DDX10: variants seen among roughly 807,000 people sequenced by gnomAD.
DDX10 encodes the protein probable ATP-dependent RNA helicase DDX10.
Under a neutral mutation model 104.3 loss-of-function variants are expected in DDX10, and 74 were observed. That is an observed-to-expected ratio of 0.71 (90% CI 0.59 to 0.86). The LOEUF is 0.86. Among genes scored for constraint, DDX10 ranks in the 40% least tolerant of loss-of-function variants. The pLI is 0.00. For missense variants in DDX10, 952 were observed against 1,040.0 expected (o/e 0.92, Z 1.16); for synonymous variants, 351 against 353.4 (o/e 0.99, Z 0.08).
At chr11:108,864,667 C>A (rs1296665831) in intron 16 of DDX10, among the ~76,000 whole-genome samples, 2 of 151,958 alleles carry the variant, frequency 1.3e-5, no homozygotes, top group African/African-American at 4.8e-5. Flanking sequence ...CCTGTGTTGC[C>A]CAGGCTGGTC....
At chr11:108,735,507 G>A (rs1414804402) in intron 13 of DDX10, among the ~76,000 whole-genome samples, 2 of 152,068 alleles carry the variant, frequency 1.3e-5, no homozygotes, top group Admixed American at 1.3e-4. Context: ...ACCATGGAGG[G>A]TGTATAAGGC....
At chr11:108,857,871 T>G (rs1862891789) in intron 16 of DDX10, among the ~76,000 whole-genome samples, 2 of 152,198 alleles carry the variant, frequency 1.3e-5, no homozygotes, top group South Asian at 4.1e-4. Context: ...AGTAAATATT[T>G]CTTCTCCTGA....
intron 6 of DDX10, among the ~76,000 whole-genome samples, chr11:108,688,016 G>C (rs1015056367): frequency 1.3e-5 from 2 of 152,124 alleles, no homozygotes; most frequent in African/African-American, 2.4e-5. Context: ...GTGTGTCCTA[G>C]ACATCACTCC....
At position 108,723,110 on chromosome 11, in the gene DDX10, C is replaced by T. The variant is rs1466538781; in HGVS notation, c.1613C>T (p.Pro538Leu). The T allele has an allele frequency of 8.1e-5, 130 of 1,613,706 alleles. 1 individual carries two copies. The highest frequency in any genetic ancestry group is 1.0e-4 in the Non-Finnish European group (121 of 1,179,890). The change falls in exon 13 of 18, where the codon CCC becomes CTC. Residue 538 changes from proline (P) to leucine (L), a missense_variant. By Grantham distance (98) the Pro-to-Leu change is moderately conservative (BLOSUM62 -3). This residue lies in a region of DDX10 where 533 missense variants were observed against 534.1 expected (regional missense o/e 1.00). Transcript: ENST00000322536. ...GATAAAGTAATTGAGCCAAGGGCTC[C>T]CTCCCTCACCAATGACGAAGTGGAA... ...QADKVIEPRAPSLTNDEVEEF... is the reference protein window; with the variant it reads ...QADKVIEPRALSLTNDEVEEF...
chr11:108,670,994 C>T (rs2094216273), intron 1 of DDX10, among the ~76,000 whole-genome samples: 1 of 152,064 alleles, frequency 6.6e-6, no homozygotes, highest in Admixed American at 6.6e-5. Context: ...ACCCTTTTCT[C>T]CTCCGCTTTT....
chr11:108,938,745 G>C (rs1864066944), intron 17 of DDX10, among the ~76,000 whole-genome samples: 2 of 152,120 alleles, frequency 1.3e-5, no homozygotes, highest in Non-Finnish European at 2.9e-5. Context: ...TCCTCCAGTG[G>C]TGAAAGAGAA....
chr11:108,888,747 TTG>T (rs1863335515), intron 16 of DDX10, among the ~76,000 whole-genome samples: 1 of 151,966 alleles, frequency 6.6e-6, no homozygotes, highest in Non-Finnish European at 1.5e-5. Flanking sequence ...GATATACATA[TTG>T]ATGTGTCTGA....
intron 17 of DDX10, among the ~76,000 whole-genome samples, chr11:108,930,645 C>A (rs1021968075): frequency 2.6e-5 from 4 of 152,180 alleles, no homozygotes; most frequent in Non-Finnish European, 5.9e-5. Flanking sequence ...GCTCCACAGC[C>A]CCACCAGCAT....
chr11:108,806,185 A>T lies in DDX10; in HGVS notation c.1966-32261A>T, dbSNP rs368688576. The stretch of plus-strand genomic sequence containing the variant: ...TCCATGTTGGCTAGGCTGGTCTCGA[A>T]CTCCTGGCCTCAGGTGATCCCTCCG... On this transcript the variant is annotated intron_variant, in intron 13 of 17. Coordinates refer to ENST00000322536, the MANE Select transcript of DDX10 (RefSeq NM_004398.4). 7.2e-5 allele frequency among the ~76,000 whole-genome samples: 11 copies of T among 152,086 alleles called. No homozygotes were observed. In the South Asian group the frequency reaches 2.3e-3, roughly 32 times the overall value.
At chr11:108,772,950 G>T (rs575677102) in intron 13 of DDX10, among the ~76,000 whole-genome samples, 3 of 152,280 alleles carry the variant, frequency 2.0e-5, no homozygotes, top group Admixed American at 2.0e-4. Flanking sequence ...TATCATAACT[G>T]AAAATGTCAG....
intron 15 of DDX10, among the ~76,000 whole-genome samples, chr11:108,842,319 C>T (rs1035487607): frequency 6.6e-6 from 1 of 152,090 alleles, no homozygotes; most frequent in African/African-American, 2.4e-5. Flanking sequence ...ACAGTGATTT[C>T]AGGGTGACAC....
At chr11:108,680,009 A>G (rs892701617) in intron 6 of DDX10, among the ~76,000 whole-genome samples, 3 of 152,188 alleles carry the variant, frequency 2.0e-5, no homozygotes, top group African/African-American at 7.2e-5. Flanking sequence ...TGGGTACGGA[A>G]TCATCCTTTT....
chr11:108,795,152 T>A (rs1215676540), intron 13 of DDX10, among the ~76,000 whole-genome samples: 1 of 151,998 alleles, frequency 6.6e-6, no homozygotes, highest in African/African-American at 2.4e-5. Context: ...TTTTATAATG[T>A]CTTTTTCTGG....
intron 13 of DDX10, among the ~76,000 whole-genome samples, chr11:108,732,181 T>C (rs2094313157): frequency 6.6e-6 from 1 of 152,192 alleles, no homozygotes; most frequent in Non-Finnish European, 1.5e-5. Flanking sequence ...CCATAATTAT[T>C]TGGCATTTTA....
At chr11:108,819,529 A>C (rs1280927519) in intron 13 of DDX10, among the ~76,000 whole-genome samples, 1 of 152,212 alleles carries the variant, frequency 6.6e-6, no homozygotes, top group Non-Finnish European at 1.5e-5. Context: ...TAGGTGTCCC[A>C]GTACAACATG....
chr11:108,745,676 A>G (rs907232386), intron 13 of DDX10, among the ~76,000 whole-genome samples: 1 of 152,208 alleles, frequency 6.6e-6, no homozygotes, highest in African/African-American at 2.4e-5. Context: ...CATGACTTCT[A>G]AAAGTGAGTC....
chr11:108,733,989 C>G (rs191616366), intron 13 of DDX10, among the ~76,000 whole-genome samples: 1 of 152,186 alleles, frequency 6.6e-6, no homozygotes, highest in Admixed American at 6.5e-5. Context: ...TCTTCCCACT[C>G]CAGCATTTCA....
chr11:108,672,355 T>C (rs7950532), intron 1 of DDX10, among the ~76,000 whole-genome samples: 146,019 of 152,224 alleles, frequency 0.96, 70,325 homozygotes, highest in East Asian at 1. Context: ...TAGAGTGAGC[T>C]ACACCTAATT....
intron 16 of DDX10, among the ~76,000 whole-genome samples, chr11:108,900,650 G>A (rs1172213291): frequency 1.2e-4 from 18 of 152,306 alleles, no homozygotes; most frequent in Non-Finnish European, 2.1e-4. Flanking sequence ...CAACCGGAAT[G>A]GTGGACCCAA....
Sources: allele counts gnomAD v4.1 joint callset (sites outside exome capture counted in the v4.1 genomes callset), GRCh38; gene constraint gnomAD v4.1.1; regional missense constraint gnomAD v4.1.1; transcripts MANE v1.5; gene names NCBI Gene and HGNC (gene_info 2026-07-23, HGNC 2026-07-21).